The following SUPT3H variants were observed in gnomAD, a reference collection of about 807,000 sequenced individuals.
SUPT3H encodes the protein transcription initiation protein SPT3 homolog.
A neutral mutation model predicts 44.3 loss-of-function variants in SUPT3H; 44 were observed. That is an observed-to-expected ratio of 0.99 (90% CI 0.78 to 1.28). The LOEUF is 1.28. SUPT3H is among the 50% of genes most tolerant of loss of function. SUPT3H has a pLI of 0.00. For synonymous variants in SUPT3H, 124 were observed against 125.6 expected (o/e 0.99, Z 0.09); for missense variants, 380 against 387.1 (o/e 0.98, Z 0.15).
At chr6:44,998,429 A>G (rs1469389947) in intron 6 of SUPT3H, among the ~76,000 whole-genome samples, 2 of 151,952 alleles carry the variant, frequency 1.3e-5, no homozygotes, top group Non-Finnish European at 1.5e-5. Context: ...CTATGGCTAT[A>G]TCATTATTCA....
chr6:45,121,691 T>C (rs1801695215), intron 2 of SUPT3H, among the ~76,000 whole-genome samples: 2 of 152,210 alleles, frequency 1.3e-5, no homozygotes, highest in African/African-American at 4.8e-5. Context: ...GTTTTTGTTT[T>C]TGAGACGAAG....
intron 9 of SUPT3H, among the ~76,000 whole-genome samples, chr6:44,943,079 G>A (rs1479097434): frequency 6.6e-6 from 1 of 152,026 alleles, no homozygotes; most frequent in Non-Finnish European, 1.5e-5. Context: ...ATTTAATTTT[G>A]CAATCAAGAA....
chr6:45,112,655 A>G (rs972419400), intron 2 of SUPT3H, among the ~76,000 whole-genome samples: 14 of 152,246 alleles, frequency 9.2e-5, no homozygotes, highest in African/African-American at 3.4e-4. Context: ...AACAGAGGGG[A>G]AGGGCTGATT....
rs1769262181 is a variant in SUPT3H, at chr6:45,236,840, G to C, written c.101+128361C>G. 2.0e-5 allele frequency among the ~76,000 whole-genome samples: 3 copies of C among 152,050 alleles called. No homozygotes were observed. In the South Asian group the frequency reaches 6.2e-4, roughly 32 times the overall value. ...CAAGCGATTAATCAATATGGACCAG[G>C]TTCTCCTTTTGTAATGGGACTGTTA... is the stretch of plus-strand genomic sequence containing the variant. On this transcript the variant is annotated intron_variant, in intron 2 of 10. Coordinates refer to ENST00000371459, the MANE Select transcript of SUPT3H (RefSeq NM_003599.4).
At chr6:44,904,666 C>G (rs1180302157) in intron 10 of SUPT3H, among the ~76,000 whole-genome samples, 2 of 152,192 alleles carry the variant, frequency 1.3e-5, no homozygotes, top group African/African-American at 4.8e-5. Flanking sequence ...TTGGAAAAAA[C>G]TACTTTAAAG....
intron 2 of SUPT3H, among the ~76,000 whole-genome samples, chr6:45,312,892 T>TA (rs962748166): frequency 9.2e-5 from 14 of 152,106 alleles, no homozygotes; most frequent in Middle Eastern, 3.2e-3. Flanking sequence ...ATAGGCCATA[T>TA]AAAGAGCCTC....
chr6:45,340,431 T>C (rs879249317), intron 2 of SUPT3H, among the ~76,000 whole-genome samples: 4 of 152,030 alleles, frequency 2.6e-5, no homozygotes, highest in Admixed American at 2.6e-4. Flanking sequence ...TCAAGGGATC[T>C]TCCCGACTCA....
At chr6:45,276,111 TA>T (rs1320952247) in intron 2 of SUPT3H, among the ~76,000 whole-genome samples, 4 of 152,060 alleles carry the variant, frequency 2.6e-5, no homozygotes, top group African/African-American at 9.7e-5. Flanking sequence ...AACAACGCAC[TA>T]AAATATTCTG....
chr6:45,285,481 C>A (rs1779065851), intron 2 of SUPT3H, among the ~76,000 whole-genome samples: 1 of 152,034 alleles, frequency 6.6e-6, no homozygotes, highest in Non-Finnish European at 1.5e-5. Context: ...CGTGAGTGAA[C>A]TCCCATTCAC....
At chr6:45,253,143 A>C (rs1772679650) in intron 2 of SUPT3H, among the ~76,000 whole-genome samples, 1 of 152,192 alleles carries the variant, frequency 6.6e-6, no homozygotes, top group Non-Finnish European at 1.5e-5. Flanking sequence ...TAAGTTTATT[A>C]TTTCAAATAA....
rs115269562 is a variant in SUPT3H, at chr6:45,174,902, G to A, written c.102-68896C>T. 2.6e-3 allele frequency among the ~76,000 whole-genome samples: 388 copies of A among 150,326 alleles called. 3 individuals are homozygous for A. The highest frequency in any genetic ancestry group is 8.7e-3 in the African/African-American group (355 of 40,924). On this transcript the variant is annotated intron_variant, in intron 2 of 10. Coordinates refer to ENST00000371459, the MANE Select transcript of SUPT3H (RefSeq NM_003599.4). ...ATCTAAAATGTCACTTCTAAACCAG[G>A]CATGGTAAATCACGCCTGGAGTCCC...
intron 1 of SUPT3H, among the ~76,000 whole-genome samples, chr6:45,377,136 A>G (rs928327271): frequency 1.3e-5 from 2 of 152,152 alleles, no homozygotes; most frequent in African/African-American, 4.8e-5. Flanking sequence ...GTGGAGAGCA[A>G]AAGCAGAGCT....
intron 2 of SUPT3H, among the ~76,000 whole-genome samples, chr6:45,232,063 A>G (rs1768162372): frequency 6.6e-6 from 1 of 152,088 alleles, no homozygotes; most frequent in African/African-American, 2.4e-5. Context: ...TTCTTTTTCC[A>G]GAATTGTGTA....
chr6:44,948,914 T>A (rs1033250138), intron 9 of SUPT3H, among the ~76,000 whole-genome samples: 1 of 152,224 alleles, frequency 6.6e-6, no homozygotes, highest in Admixed American at 6.5e-5. Context: ...GGATTATAAA[T>A]TATGTTGCTA....
intron 3 of SUPT3H, among the ~76,000 whole-genome samples, chr6:45,080,960 T>C (rs2153558289): frequency 6.6e-6 from 1 of 152,036 alleles, no homozygotes; most frequent in Non-Finnish European, 1.5e-5. Context: ...ATGCTTGAGG[T>C]GATGGATGCC....
intron 2 of SUPT3H, among the ~76,000 whole-genome samples, chr6:45,274,502 G>A (rs1371478824): frequency 6.6e-6 from 1 of 152,144 alleles, no homozygotes; most frequent in Non-Finnish European, 1.5e-5. Flanking sequence ...TGAAGAAGAG[G>A]TCCAAATTAT....
chr6:45,321,394 A>C (rs1785470453), intron 2 of SUPT3H, among the ~76,000 whole-genome samples: 1 of 152,108 alleles, frequency 6.6e-6, no homozygotes, highest in Non-Finnish European at 1.5e-5. Flanking sequence ...TATATCCTTT[A>C]CTTATATTCA....
intron 2 of SUPT3H, among the ~76,000 whole-genome samples, chr6:45,223,051 TGA>T (rs1362380089): frequency 4.0e-5 from 6 of 151,712 alleles, no homozygotes; most frequent in Non-Finnish European, 8.8e-5. Context: ...GTAGAGAATA[TGA>T]GAGAAGAGTT....
intron 2 of SUPT3H, among the ~76,000 whole-genome samples, chr6:45,229,158 T>C (rs1330058308): frequency 6.6e-6 from 1 of 152,158 alleles, no homozygotes; most frequent in Admixed American, 6.5e-5. Flanking sequence ...AAAAACTGAG[T>C]TATTTGAAAT....
Sources: allele counts gnomAD v4.1 joint callset (sites outside exome capture counted in the v4.1 genomes callset), GRCh38; gene constraint gnomAD v4.1.1; transcripts MANE v1.5; gene names NCBI Gene and HGNC (gene_info 2026-07-23, HGNC 2026-07-21).